The following RNGTT variants were observed in gnomAD, a reference collection of about 807,000 sequenced individuals.
The protein encoded by RNGTT is RNA guanylyltransferase and 5'-phosphatase.
RNGTT carries 33 observed loss-of-function variants against 79.3 expected under a neutral mutation model. The ratio of observed to expected loss-of-function variants is 0.42; its 90% CI spans 0.32 to 0.56. The LOEUF is 0.56. Among genes scored for constraint, RNGTT ranks in the 20% least tolerant of loss-of-function variants. RNGTT has a pLI of 0.17. For synonymous variants in RNGTT, 222 were observed against 235.9 expected (o/e 0.94, Z 0.54); for missense variants, 497 against 739.1 (o/e 0.67, Z 3.80).
chr6:88,929,989 C>T (rs1201780731), intron 2 of RNGTT, among the ~76,000 whole-genome samples: 2 of 141,258 alleles, frequency 1.4e-5, no homozygotes, highest in Non-Finnish European at 3.1e-5. Flanking sequence ...TGTGCATATA[C>T]ATGTATACAT....
At chr6:88,646,075 A>G (rs1198329879) in intron 14 of RNGTT, among the ~76,000 whole-genome samples, 2 of 152,228 alleles carry the variant, frequency 1.3e-5, no homozygotes, top group Non-Finnish European at 2.9e-5. Context: ...CAACCTAAAG[A>G]AAATTTTTGC....
At chr6:88,703,379 C>T (rs995399808) in intron 13 of RNGTT, among the ~76,000 whole-genome samples, 1 of 152,160 alleles carries the variant, frequency 6.6e-6, no homozygotes, top group African/African-American at 2.4e-5. Flanking sequence ...ATAAAAAGGA[C>T]AAAATCATGT....
intron 13 of RNGTT, among the ~76,000 whole-genome samples, chr6:88,767,775 A>G (rs1297993507): frequency 2.0e-5 from 3 of 151,234 alleles, no homozygotes; most frequent in Non-Finnish European, 4.4e-5. Flanking sequence ...TCTGTAAGGC[A>G]CTTCCAGAAG....
At chr6:88,761,144 G>C (rs947628075) in intron 13 of RNGTT, among the ~76,000 whole-genome samples, 1 of 151,716 alleles carries the variant, frequency 6.6e-6, no homozygotes. Flanking sequence ...CTGCTTGCTA[G>C]GAAGCTAGCA....
intron 13 of RNGTT, among the ~76,000 whole-genome samples, chr6:88,713,775 T>C (rs1776402496): frequency 6.6e-6 from 1 of 152,234 alleles, no homozygotes; most frequent in African/African-American, 2.4e-5. Flanking sequence ...GGCTTTTTAT[T>C]ACGCTACATA....
chr6:88,887,358 A>G (rs1190937954), intron 8 of RNGTT, among the ~76,000 whole-genome samples: 1 of 152,182 alleles, frequency 6.6e-6, no homozygotes, highest in East Asian at 1.9e-4. Context: ...CTCTAAGACC[A>G]TTCTACAGCC....
intron 6 of RNGTT, among the ~76,000 whole-genome samples, chr6:88,900,519 A>T (rs1783413107): frequency 6.7e-6 from 1 of 149,812 alleles, no homozygotes; most frequent in Non-Finnish European, 1.5e-5. Flanking sequence ...GGGTCACCTG[A>T]GGTCAGGAGA....
chr6:88,756,379 A>G (rs1434586471), intron 13 of RNGTT, among the ~76,000 whole-genome samples: 1 of 152,116 alleles, frequency 6.6e-6, no homozygotes. Context: ...AGACTGAGGC[A>G]GGAGAATCAC....
At chr6:88,697,954 GATAT>G (rs59836206) in intron 13 of RNGTT, among the ~76,000 whole-genome samples, 1 of 77,704 alleles carries the variant, frequency 1.3e-5, no homozygotes, top group Non-Finnish European at 2.1e-5. Flanking sequence ...ACATATATAT[GATAT>G]ATATATATGA....
chr6:88,886,935 G>T (rs1329400257), intron 8 of RNGTT, among the ~76,000 whole-genome samples: 1 of 150,982 alleles, frequency 6.6e-6, no homozygotes, highest in African/African-American at 2.4e-5. Flanking sequence ...TCCAGGCAGG[G>T]TTCAATGGCT....
chr6:88,668,891 A>G (rs182762283), intron 14 of RNGTT, among the ~76,000 whole-genome samples: 183 of 152,350 alleles, frequency 1.2e-3, no homozygotes, highest in African/African-American at 3.9e-3. Flanking sequence ...TATATGGCAG[A>G]AAATAAGTAC....
chr6:88,927,322 T>C (rs1373785143), intron 4 of RNGTT, among the ~76,000 whole-genome samples: 2 of 149,826 alleles, frequency 1.3e-5, no homozygotes, highest in African/African-American at 4.9e-5. Flanking sequence ...AGGCCAGGAG[T>C]CCAAGACCAG....
chr6:88,861,195 T>C (rs368007984), intron 8 of RNGTT, among the ~76,000 whole-genome samples: 2 of 152,178 alleles, frequency 1.3e-5, no homozygotes, highest in African/African-American at 4.8e-5. Context: ...AAGCTAATTC[T>C]CAATGTTGTA....
chr6:88,694,365 A>C (rs968193802), intron 13 of RNGTT, among the ~76,000 whole-genome samples: 1 of 152,172 alleles, frequency 6.6e-6, no homozygotes, highest in African/African-American at 2.4e-5. Context: ...TAGTTAAAAA[A>C]TGAATAAAAT....
At chr6:88,879,154 T>G (rs1782611800) in intron 8 of RNGTT, among the ~76,000 whole-genome samples, 1 of 152,140 alleles carries the variant, frequency 6.6e-6, no homozygotes, top group Admixed American at 6.5e-5. Context: ...CCCAGCACTT[T>G]GAGAGGCTGA....
chr6:88,662,443 G>C (rs1295583442), intron 14 of RNGTT, among the ~76,000 whole-genome samples: 1 of 152,236 alleles, frequency 6.6e-6, no homozygotes, highest in Non-Finnish European at 1.5e-5. Flanking sequence ...GGACCCCTCA[G>C]AGTTGTAAGC....
At chr6:88,777,940 T>C (rs963863089) in intron 12 of RNGTT, among the ~76,000 whole-genome samples, 13 of 152,312 alleles carry the variant, frequency 8.5e-5, no homozygotes, top group African/African-American at 2.9e-4. Flanking sequence ...TTTTCATAAA[T>C]GGCCTTTGTG....
chr6:88,891,747 G>T, intron 7 of RNGTT, 59 bp downstream of exon 7: 1 of 1,040,710 alleles, frequency 9.6e-7, no homozygotes. Context: ...GTCAATGCTT[G>T]TATTAAGTGT....
At chr6:88,685,338 C>T (rs565552805) in intron 13 of RNGTT, among the ~76,000 whole-genome samples, 6 of 152,116 alleles carry the variant, frequency 3.9e-5, no homozygotes, top group South Asian at 2.1e-4. Context: ...AACAAATGTA[C>T]CACACTAGTG....
Sources: allele counts gnomAD v4.1 joint callset (sites outside exome capture counted in the v4.1 genomes callset), GRCh38; gene constraint gnomAD v4.1.1; transcripts MANE v1.5; gene names NCBI Gene and HGNC (gene_info 2026-07-23, HGNC 2026-07-21).